Variants in KCNN2 observed in about 807,000 individuals in gnomAD.
KCNN2 encodes the protein potassium calcium-activated channel subfamily N member 2, also known as small conductance calcium-activated potassium channel protein 2.
In KCNN2, 24 loss-of-function variants were observed where a neutral mutation model predicts 55.5. That is an observed-to-expected ratio of 0.43 (90% CI 0.31 to 0.61). The LOEUF (loss-of-function observed/expected upper bound fraction) is 0.61, where lower values mean the gene tolerates loss of function less well. KCNN2 is among the 20% of genes least tolerant of loss of function. The pLI is 0.08. For synonymous variants in KCNN2, 431 were observed against 336.1 expected (o/e 1.28, Z -3.09); for missense variants, 754 against 853.6 (o/e 0.88, Z 1.45).
intron 1 of KCNN2, among the ~76,000 whole-genome samples, chr5:114,200,725 AC>A (rs375202139): frequency 7.3e-5 from 11 of 151,682 alleles, no homozygotes; most frequent in Non-Finnish European, 1.5e-4. Context: ...TGAGTAAGAC[AC>A]TTTGGCCTTG....
intron 3 of KCNN2, among the ~76,000 whole-genome samples, chr5:114,449,258 T>G (rs1247296162): frequency 6.6e-6 from 1 of 152,126 alleles, no homozygotes; most frequent in Non-Finnish European, 1.5e-5. Context: ...TTTCAGTCTT[T>G]GTCATACTAG....
intron 4 of KCNN2, among the ~76,000 whole-genome samples, chr5:114,467,132 TAAAC>T (rs941742590): frequency 7.9e-5 from 12 of 152,288 alleles, no homozygotes; most frequent in South Asian, 2.1e-4. Context: ...AGTTGTCAGT[TAAAC>T]AAACAGTTTG....
At chr5:114,386,455 T>C (rs1332933613) in intron 2 of KCNN2, among the ~76,000 whole-genome samples, 5 of 152,206 alleles carry the variant, frequency 3.3e-5, no homozygotes, top group Non-Finnish European at 7.3e-5. Flanking sequence ...AACCAGTCTT[T>C]CTATCACTTC....
chr5:114,179,521 C>G (rs1156739149), intron 1 of KCNN2, among the ~76,000 whole-genome samples: 1 of 152,202 alleles, frequency 6.6e-6, no homozygotes, highest in Non-Finnish European at 1.5e-5. Flanking sequence ...AGCCTAAGGT[C>G]ACTGAGCCAG....
intron 1 of KCNN2, among the ~76,000 whole-genome samples, chr5:114,067,621 A>G (rs1175653351): frequency 1.3e-5 from 2 of 152,216 alleles, no homozygotes; most frequent in African/African-American, 4.8e-5. Flanking sequence ...AAATTAATAT[A>G]AATATAGAAA....
At chr5:114,352,748 G>T (rs371194611) in intron 2 of KCNN2, among the ~76,000 whole-genome samples, 1 of 151,844 alleles carries the variant, frequency 6.6e-6, no homozygotes, top group East Asian at 1.9e-4. Flanking sequence ...TAAAGAATTT[G>T]TATAAATATA....
At chr5:114,221,938 T>C (rs1050785245) in intron 2 of KCNN2, among the ~76,000 whole-genome samples, 1 of 152,236 alleles carries the variant, frequency 6.6e-6, no homozygotes, top group South Asian at 2.1e-4. Flanking sequence ...CAAAATACTA[T>C]AGCTTCTTTC....
At chr5:114,272,891 A>G (rs73262025) in intron 2 of KCNN2, among the ~76,000 whole-genome samples, 1,826 of 151,968 alleles carry the variant, frequency 0.012, 35 homozygotes, top group African/African-American at 0.041. Flanking sequence ...TTTTTTTTAA[A>G]TTATACTTTA....
Position 114,389,104 on chromosome 5 carries a change from C to T in KCNN2, c.1219-15334C>T, listed in dbSNP as rs145292735. Among the ~76,000 whole-genome samples, 16 of 151,482 alleles carry T rather than the reference C, an allele frequency of 1.1e-4. No homozygotes were observed. In the East Asian group the frequency reaches 1.9e-3, roughly 18 times the overall value. ...TTTTAGTGGTGTGTGTATGTGTGTG[C>T]GTGTGTGAGTGTGTATGTGTCTTTC... On this transcript the variant is annotated intron_variant, in intron 2 of 7. Coordinates refer to ENST00000673685, the MANE Select transcript of KCNN2 (RefSeq NM_021614.4).
At chr5:114,391,963 G>A (rs1160364598) in intron 2 of KCNN2, among the ~76,000 whole-genome samples, 1 of 152,048 alleles carries the variant, frequency 6.6e-6, no homozygotes, top group Non-Finnish European at 1.5e-5. Flanking sequence ...GGAAAGAAGA[G>A]GTCTATGTCA....
chr5:114,293,451 A>T (rs1371134836), intron 2 of KCNN2, among the ~76,000 whole-genome samples: 1 of 152,178 alleles, frequency 6.6e-6, no homozygotes, highest in Non-Finnish European at 1.5e-5. Flanking sequence ...TGAGATAATC[A>T]TGTGGTTTTT....
intron 2 of KCNN2, among the ~76,000 whole-genome samples, chr5:114,398,700 T>C (rs957525548): frequency 2.0e-5 from 3 of 152,208 alleles, no homozygotes; most frequent in Admixed American, 1.3e-4. Context: ...CGTTTGTTTA[T>C]GTAATTTCTG....
At chr5:114,379,656 A>ATAT (rs56003614) in intron 2 of KCNN2, among the ~76,000 whole-genome samples, 2 of 52,054 alleles carry the variant, frequency 3.8e-5, no homozygotes, top group Admixed American at 1.9e-4. Context: ...ATTATATAAC[A>ATAT]TATATATTTA....
chr5:114,395,416 A>G (rs949945586), intron 2 of KCNN2, among the ~76,000 whole-genome samples: 3 of 152,214 alleles, frequency 2.0e-5, no homozygotes, highest in Non-Finnish European at 2.9e-5. Flanking sequence ...ACTGTTAACC[A>G]TCACCCTAGA....
intron 3 of KCNN2, among the ~76,000 whole-genome samples, chr5:114,422,659 G>A (rs747145175): frequency 6.6e-6 from 1 of 152,126 alleles, no homozygotes; most frequent in East Asian, 1.9e-4. Flanking sequence ...TAAAAAAAAC[G>A]AGGATCATAT....
At chr5:114,438,762 GC>G (rs1235922384) in intron 3 of KCNN2, among the ~76,000 whole-genome samples, 2 of 152,126 alleles carry the variant, frequency 1.3e-5, no homozygotes, top group Non-Finnish European at 2.9e-5. Context: ...CTGCCCTGGT[GC>G]CTCTTTAAGT....
intron 1 of KCNN2, among the ~76,000 whole-genome samples, chr5:114,191,370 C>T (rs1394890728): frequency 6.6e-6 from 1 of 152,030 alleles, no homozygotes; most frequent in Non-Finnish European, 1.5e-5. Context: ...ACCTAAGCAC[C>T]TAAAAATAAA....
At chr5:114,447,819 C>T (rs754314116) in intron 3 of KCNN2, among the ~76,000 whole-genome samples, 57 of 152,310 alleles carry the variant, frequency 3.7e-4, no homozygotes, top group South Asian at 2.1e-4. Context: ...ACGAAGGGTG[C>T]GCTTTTTCCT....
intron 2 of KCNN2, among the ~76,000 whole-genome samples, chr5:114,320,685 C>T (rs1236906509): frequency 6.6e-6 from 1 of 152,022 alleles, no homozygotes; most frequent in Non-Finnish European, 1.5e-5. Context: ...AACTAGTGAT[C>T]CCACAAGCAG....
Sources: allele counts gnomAD v4.1 joint callset (sites outside exome capture counted in the v4.1 genomes callset), GRCh38; gene constraint gnomAD v4.1.1; transcripts MANE v1.5; gene names NCBI Gene and HGNC (gene_info 2026-07-23, HGNC 2026-07-21).